Variants in PDE11A observed in about 807,000 individuals in gnomAD.
PDE11A encodes phosphodiesterase 11A, also known as dual 3',5'-cyclic-AMP and -GMP phosphodiesterase 11A.
A neutral mutation model predicts 100.5 loss-of-function variants in PDE11A; 100 were observed. The ratio of observed to expected loss-of-function variants is 1.00; its 90% CI spans 0.85 to 1.18. PDE11A has a LOEUF of 1.18. Among genes scored for constraint, PDE11A ranks in the 50% most tolerant of loss-of-function variants. PDE11A has a pLI of 0.00. For missense variants in PDE11A, 1,141 were observed against 1,152.6 expected (o/e 0.99, Z 0.15); for synonymous variants, 381 against 420.8 (o/e 0.91, Z 1.16).
At chr2:177,864,328 C>T (rs113372513) in intron 5 of PDE11A, among the ~76,000 whole-genome samples, 1 of 152,130 alleles carries the variant, frequency 6.6e-6, no homozygotes, top group African/African-American at 2.4e-5. Flanking sequence ...GGAATTCATG[C>T]TAAAGGAGTA....
chr2:177,792,211 A>G (rs768012549), intron 9 of PDE11A, among the ~76,000 whole-genome samples: 1 of 152,162 alleles, frequency 6.6e-6, no homozygotes, highest in Non-Finnish European at 1.5e-5. Context: ...TTCTTTTCTA[A>G]TGAACTACTT....
intron 1 of PDE11A, among the ~76,000 whole-genome samples, chr2:178,033,863 C>G (rs2086577604): frequency 6.6e-6 from 1 of 152,074 alleles, no homozygotes; most frequent in East Asian, 1.9e-4. Flanking sequence ...ATTTTGTCAC[C>G]ACAAAGCCTG....
intron 4 of PDE11A, among the ~76,000 whole-genome samples, chr2:177,894,999 G>A (rs2084587763): frequency 6.6e-6 from 1 of 151,916 alleles, no homozygotes; most frequent in Non-Finnish European, 1.5e-5. Flanking sequence ...AACTACCTTG[G>A]GACCACTTAT....
At chr2:177,645,022 A>C (rs1480783661) in intron 19 of PDE11A, among the ~76,000 whole-genome samples, 1 of 152,108 alleles carries the variant, frequency 6.6e-6, no homozygotes, top group Non-Finnish European at 1.5e-5. Flanking sequence ...TTGTAAATCA[A>C]CCAGTCTTGG....
chr2:178,098,321 A>C (rs1037090176), intron 2 of PDE11A, among the ~76,000 whole-genome samples: 3 of 152,240 alleles, frequency 2.0e-5, no homozygotes, highest in African/African-American at 7.2e-5. Flanking sequence ...AAGATAAATG[A>C]AGATAATATG....
intron 4 of PDE11A, among the ~76,000 whole-genome samples, chr2:177,894,144 A>G (rs1417466038): frequency 1.3e-5 from 2 of 152,144 alleles, no homozygotes; most frequent in African/African-American, 4.8e-5. Context: ...TATCCTTTCT[A>G]TAATTTCTAC....
chr2:177,784,914 G>C (rs1052776636), intron 9 of PDE11A, among the ~76,000 whole-genome samples: 1 of 152,220 alleles, frequency 6.6e-6, no homozygotes. Flanking sequence ...GCAGGGGTCA[G>C]TGGTAGGATT....
Position 177,987,722 on chromosome 2 carries a change from A to G in PDE11A, c.1071+26580T>C, listed in dbSNP as rs972685324. Among the ~76,000 whole-genome samples, 7 of 152,358 alleles carry G rather than the reference A, an allele frequency of 4.6e-5. No homozygotes were observed. The East Asian group carries it at 1.2e-3, about 25-fold the overall frequency. ...AAATTGGGGTCAACTCTCTTCTTATAGAATTTTAAAGAATAAAGACATTTC... is the reference window on the plus strand; with the variant it reads ...AAATTGGGGTCAACTCTCTTCTTATGGAATTTTAAAGAATAAAGACATTTC... On this transcript the variant is annotated intron_variant, in intron 2 of 19. Coordinates refer to ENST00000286063, the MANE Select transcript of PDE11A (RefSeq NM_016953.4).
At chr2:177,729,855 C>G (rs2081655111) in intron 10 of PDE11A, among the ~76,000 whole-genome samples, 1 of 148,038 alleles carries the variant, frequency 6.8e-6, no homozygotes, top group Non-Finnish European at 1.5e-5. Context: ...CTTTTTTCCC[C>G]CTTTTTTTTT....
At chr2:177,998,437 C>A in intron 2 of PDE11A, 7 of 1,054,044 alleles carry the variant, frequency 6.6e-6, no homozygotes, top group Non-Finnish European at 8.9e-6. Flanking sequence ...TTAAATTCTG[C>A]AGAGCCATCT....
upstream of PDE11A, chr2:178,073,075 G>C: frequency 1.0e-6 from 1 of 985,348 alleles, no homozygotes. Flanking sequence ...ATCCGTTAGC[G>C]TTTCGAGGAG....
chr2:177,876,489 C>T (rs984094831), intron 4 of PDE11A, among the ~76,000 whole-genome samples: 1 of 148,168 alleles, frequency 6.7e-6, no homozygotes, highest in Non-Finnish European at 1.5e-5. Flanking sequence ...CATACCAGTG[C>T]GAGAGTTGAC....
chr2:177,996,474 T>A (rs34684690), intron 2 of PDE11A, among the ~76,000 whole-genome samples: 12 of 145,622 alleles, frequency 8.2e-5, no homozygotes, highest in Non-Finnish European at 9.3e-5. Context: ...TATACATATA[T>A]ATATATATAT....
In PDE11A at chr2:177,663,964, AG is replaced by A; in HGVS notation, c.2563-16del. ...TCAAAAATTGCCTAGAATGGGGGGC[AG>A]GAAGAACCTCGCTTTATTACACCAA... On this transcript the variant is annotated splice_polypyrimidine_tract_variant and intron_variant, in intron 18 of 19. Coordinates refer to ENST00000286063, the MANE Select transcript of PDE11A (RefSeq NM_016953.4). The A allele has an allele frequency of 6.4e-7, 1 of 1,564,650 alleles. No individual in the cohort carries two copies. Among genetic ancestry groups the A allele is most frequent in the Non-Finnish European group, 8.8e-7 (1 of 1,135,066 alleles).
chr2:178,008,514 A>G (rs1014236470), intron 2 of PDE11A, among the ~76,000 whole-genome samples: 7 of 152,326 alleles, frequency 4.6e-5, no homozygotes, highest in African/African-American at 1.7e-4. Flanking sequence ...CCTTCTCAGC[A>G]TGATGCAGTC....
intron 2 of PDE11A, among the ~76,000 whole-genome samples, chr2:178,081,456 G>A (rs534622546): frequency 1.3e-5 from 2 of 152,298 alleles, no homozygotes; most frequent in East Asian, 3.9e-4. Flanking sequence ...ATAAGGTAAA[G>A]AATTTGGTTA....
At chr2:177,716,009 T>A (rs906703464) in intron 12 of PDE11A, among the ~76,000 whole-genome samples, 1 of 152,244 alleles carries the variant, frequency 6.6e-6, no homozygotes, top group African/African-American at 2.4e-5. Flanking sequence ...ACTCATTTTC[T>A]CTGGACTTTC....
intron 2 of PDE11A, among the ~76,000 whole-genome samples, chr2:177,946,537 C>T (rs1293729751): frequency 5.0e-5 from 4 of 80,142 alleles, no homozygotes; most frequent in Non-Finnish European, 8.0e-5. Flanking sequence ...CCCGGCCAGC[C>T]GCCCCGTCCG....
At chr2:177,961,070 A>G (rs1367126644) in intron 2 of PDE11A, among the ~76,000 whole-genome samples, 2 of 152,144 alleles carry the variant, frequency 1.3e-5, no homozygotes, top group Non-Finnish European at 2.9e-5. Flanking sequence ...CTGCCCCCAA[A>G]TGGAGTAAAA....
Sources: gnomAD v4.1 joint callset for allele counts (sites outside exome capture counted in the v4.1 genomes callset) on GRCh38, gnomAD v4.1.1 for gene constraint, MANE v1.5 for transcripts, NCBI Gene and HGNC (gene_info 2026-07-23, HGNC 2026-07-21) for gene names.